Variants in RABGAP1L observed in about 807,000 individuals in gnomAD.
RABGAP1L encodes RAB GTPase activating protein 1 like.
In RABGAP1L, 63 loss-of-function variants were observed where a neutral mutation model predicts 137.7. That is an observed-to-expected ratio of 0.46 (90% CI 0.37 to 0.56). The LOEUF (loss-of-function observed/expected upper bound fraction) is 0.56, where lower values mean the gene tolerates loss of function less well. Ranked by LOEUF, RABGAP1L falls within the 20% of genes least tolerant of loss-of-function variation. The pLI, the probability that RABGAP1L is intolerant of heterozygous loss-of-function variation, is 0.00. For synonymous variants in RABGAP1L, 431 were observed against 433.7 expected (o/e 0.99, Z 0.08); for missense variants, 1,095 against 1,244.0 (o/e 0.88, Z 1.80).
intron 13 of RABGAP1L, among the ~76,000 whole-genome samples, chr1:174,449,782 A>G (rs544416824): frequency 6.6e-6 from 1 of 152,300 alleles, no homozygotes; most frequent in South Asian, 2.1e-4. Flanking sequence ...TGTTTTTATA[A>G]TGTTCTCTGC....
rs565359622 is a variant in RABGAP1L at position 174,939,385 on chromosome 1, G to A, written c.2341-18072G>A. Among the ~76,000 whole-genome samples, 9 of 151,960 alleles carry A rather than the reference G, an allele frequency of 5.9e-5. No individual in the cohort carries two copies. The South Asian group carries it at 1.9e-3, about 32-fold the overall frequency. ...AGCCTGGCCAACATGGCGAAACCCCGTCTCTACTAAAAAAGTACAAAAATT... is the reference window on the plus strand; with the variant it reads ...AGCCTGGCCAACATGGCGAAACCCCATCTCTACTAAAAAAGTACAAAAATT... On this transcript the variant is annotated intron_variant, in intron 19 of 25. Transcript: ENST00000681986.
intron 13 of RABGAP1L, among the ~76,000 whole-genome samples, chr1:174,517,118 G>T (rs1356411645): frequency 4.0e-5 from 6 of 151,862 alleles, no homozygotes; most frequent in Non-Finnish European, 7.4e-5. Context: ...AAGGGGAAAA[G>T]CTCAGATACA....
intron 13 of RABGAP1L, among the ~76,000 whole-genome samples, chr1:174,546,506 C>T (rs747451012): frequency 6.6e-6 from 1 of 152,144 alleles, no homozygotes; most frequent in Non-Finnish European, 1.5e-5. Flanking sequence ...TTAGATAACA[C>T]CCAGTTCTGT....
intron 13 of RABGAP1L, among the ~76,000 whole-genome samples, chr1:174,486,539 G>A (rs181436818): frequency 4.0e-5 from 6 of 151,782 alleles, no homozygotes; most frequent in African/African-American, 7.2e-5. Flanking sequence ...GTAGAGACAC[G>A]GTTTCACTGT....
intron 18 of RABGAP1L, among the ~76,000 whole-genome samples, chr1:174,784,008 CTTCTTTTT>C (rs1293203978): frequency 9.0e-6 from 1 of 111,182 alleles, no homozygotes; most frequent in Non-Finnish European, 1.8e-5. Context: ...TCTTCTTCTT[CTTCTTTTT>C]TTTTTTTTTT....
At chr1:174,798,098 C>T (rs956893131) in intron 18 of RABGAP1L, among the ~76,000 whole-genome samples, 1 of 151,988 alleles carries the variant, frequency 6.6e-6, no homozygotes, top group Admixed American at 6.6e-5. Context: ...TACAGGCACA[C>T]ACTACTGTTC....
intron 10 of RABGAP1L, among the ~76,000 whole-genome samples, chr1:174,287,578 C>T (rs1469624920): frequency 1.3e-5 from 2 of 152,122 alleles, no homozygotes. Context: ...TTGCAACCAC[C>T]ATCTCCTGGG....
chr1:174,220,960 C>T lies in RABGAP1L; in HGVS notation c.139-12C>T. 2 of 1,579,788 alleles carry T rather than the reference C, an allele frequency of 1.3e-6. No homozygotes were observed. The highest frequency in any genetic ancestry group is 2.3e-5 in the East Asian group (1 of 43,770). On this transcript the variant is annotated splice_polypyrimidine_tract_variant and intron_variant, in intron 2 of 25. Coordinates refer to ENST00000681986, the MANE Select transcript of RABGAP1L (RefSeq NM_001366446.1). ...GTAGAATTGAAACAGAATTGTCTTG[C>T]TGTGTCTGTAGATAGTTTCTAATGG...
chr1:174,698,838 A>T (rs1445831572), intron 15 of RABGAP1L, among the ~76,000 whole-genome samples: 1 of 152,108 alleles, frequency 6.6e-6, no homozygotes, highest in Non-Finnish European at 1.5e-5. Flanking sequence ...ATTTGCATAG[A>T]TAATCAGTGG....
At chr1:174,896,121 T>A (rs983664065) in intron 19 of RABGAP1L, among the ~76,000 whole-genome samples, 1 of 152,376 alleles carries the variant, frequency 6.6e-6, no homozygotes, top group East Asian at 1.9e-4. Context: ...CCTGACTTTT[T>A]AATGATCGCC....
At chr1:174,483,287 A>C (rs572312127) in intron 13 of RABGAP1L, among the ~76,000 whole-genome samples, 1 of 151,852 alleles carries the variant, frequency 6.6e-6, no homozygotes, top group African/African-American at 2.4e-5. Flanking sequence ...CCCCTGCCAC[A>C]ACTTCCCCTC....
chr1:174,910,028 A>G (rs1659801603), intron 19 of RABGAP1L, among the ~76,000 whole-genome samples: 1 of 152,166 alleles, frequency 6.6e-6, no homozygotes, highest in South Asian at 2.1e-4. Context: ...AGTCCCAGCT[A>G]CTTGGGAGGC....
intron 1 of RABGAP1L, among the ~76,000 whole-genome samples, chr1:174,170,588 T>C (rs1306052217): frequency 1.3e-5 from 2 of 149,030 alleles, no homozygotes; most frequent in Non-Finnish European, 3.0e-5. Flanking sequence ...GGTAGGAGAA[T>C]CGCTTGAACC....
At chr1:174,232,357 C>T (rs111781955) in intron 4 of RABGAP1L, among the ~76,000 whole-genome samples, 34,822 of 151,418 alleles carry the variant, frequency 0.23, 4,461 homozygotes, top group Non-Finnish European at 0.27. Context: ...TGGTGGCACA[C>T]GCCTGTAATC....
At chr1:174,898,061 G>A (rs1657537265) in intron 19 of RABGAP1L, 1 of 151,334 alleles carries the variant, frequency 6.6e-6, no homozygotes, top group African/African-American at 2.4e-5. Context: ...ATTTAGAATA[G>A]GAAAAGAAAA....
chr1:174,626,126 G>T (rs1672925289), intron 13 of RABGAP1L, among the ~76,000 whole-genome samples: 1 of 152,144 alleles, frequency 6.6e-6, no homozygotes, highest in South Asian at 2.1e-4. Flanking sequence ...TTCCCCAGTT[G>T]GGACAATGAA....
rs138439576 is a variant in RABGAP1L at position 174,856,649 on chromosome 1, A to T, written c.2340+44689A>T. Among the ~76,000 whole-genome samples the T allele has an allele frequency of 5.9e-5, 9 of 151,872 alleles. No individual in the cohort carries two copies. In the East Asian group the frequency reaches 1.8e-3, roughly 30 times the overall value. On this transcript the variant is annotated intron_variant, in intron 19 of 25. Transcript: ENST00000681986. The stretch of plus-strand genomic sequence containing the variant: ...ATATTAAAGTTAGACCTTTGAGGCC[A>T]GGTGCAGTGGCTCACACCTGTAATC...
At chr1:174,206,625 C>G (rs1486946905) in intron 1 of RABGAP1L, among the ~76,000 whole-genome samples, 2 of 152,098 alleles carry the variant, frequency 1.3e-5, no homozygotes, top group Non-Finnish European at 2.9e-5. Flanking sequence ...TCAGGAGCCA[C>G]TTGAAAATGA....
intron 13 of RABGAP1L, among the ~76,000 whole-genome samples, chr1:174,522,931 C>G (rs1663552916): frequency 6.6e-6 from 1 of 152,206 alleles, no homozygotes; most frequent in South Asian, 2.1e-4. Flanking sequence ...AGCCTCACCT[C>G]CAACACTGAG....
Sources: gnomAD v4.1 joint callset for allele counts (sites outside exome capture counted in the v4.1 genomes callset) on GRCh38, gnomAD v4.1.1 for gene constraint, MANE v1.5 for transcripts, NCBI Gene and HGNC (gene_info 2026-07-23, HGNC 2026-07-21) for gene names.